Variants in LRP1B observed in about 807,000 individuals in gnomAD.
LRP1B encodes LDL receptor related protein 1B.
A neutral mutation model predicts 556.6 loss-of-function variants in LRP1B; 217 were observed. The observed-to-expected ratio is 0.39, with a 90% CI of 0.35 to 0.44. The LOEUF (loss-of-function observed/expected upper bound fraction) is 0.44, where lower values mean the gene tolerates loss of function less well. LRP1B is among the 20% of genes least tolerant of loss of function. The pLI, the probability that LRP1B is intolerant of heterozygous loss-of-function variation, is 1.00. For missense variants in LRP1B, 5,053 were observed against 5,620.8 expected (o/e 0.90, Z 3.23); for synonymous variants, 2,047 against 1,865.8 (o/e 1.10, Z -2.50).
At chr2:141,287,746 T>C (rs2105401953) in intron 3 of LRP1B, among the ~76,000 whole-genome samples, 1 of 152,280 alleles carries the variant, frequency 6.6e-6, no homozygotes, top group East Asian at 1.9e-4. Context: ...GTTTTAAATA[T>C]ATGAAGACAT....
chr2:140,575,359 C>T (rs1046306507), intron 43 of LRP1B, among the ~76,000 whole-genome samples: 1 of 152,060 alleles, frequency 6.6e-6, no homozygotes, highest in African/African-American at 2.4e-5. Context: ...TAATGTCCTC[C>T]TAATTTTGCA....
chr2:141,036,364 C>A (rs928257950), intron 11 of LRP1B, among the ~76,000 whole-genome samples: 12 of 151,944 alleles, frequency 7.9e-5, no homozygotes, highest in Admixed American at 5.3e-4. Context: ...AGATGGAAGG[C>A]AAAACTGGAA....
chr2:140,826,434 C>G (rs1380995580), intron 31 of LRP1B, among the ~76,000 whole-genome samples: 1 of 152,104 alleles, frequency 6.6e-6, no homozygotes, highest in Non-Finnish European at 1.5e-5. Context: ...ATCAAAATTG[C>G]AGAAGAGAAG....
At chr2:140,556,745 A>C (rs1438689312) in intron 43 of LRP1B, among the ~76,000 whole-genome samples, 2 of 151,448 alleles carry the variant, frequency 1.3e-5, no homozygotes, top group Non-Finnish European at 2.9e-5. Flanking sequence ...TAAAAAAAAA[A>C]CAATTTTTTT....
intron 6 of LRP1B, among the ~76,000 whole-genome samples, chr2:141,189,979 T>C (rs1037130385): frequency 1.5e-4 from 6 of 40,898 alleles, no homozygotes; most frequent in African/African-American, 4.1e-4. Context: ...AGAAAGCATC[T>C]GTAATAAACC....
At chr2:142,019,309 G>T (rs931418680) in intron 1 of LRP1B, among the ~76,000 whole-genome samples, 1 of 152,124 alleles carries the variant, frequency 6.6e-6, no homozygotes, top group Non-Finnish European at 1.5e-5. Context: ...GTAGTTTAGT[G>T]TTGGAAGGGA....
intron 63 of LRP1B, among the ~76,000 whole-genome samples, chr2:140,448,060 A>C (rs1368918620): frequency 1.4e-5 from 2 of 140,066 alleles, no homozygotes; most frequent in Admixed American, 6.9e-5. Context: ...AAACAAATAT[A>C]ATAATAGTAA....
intron 35 of LRP1B, among the ~76,000 whole-genome samples, chr2:140,748,255 G>A (rs1322230474): frequency 1.7e-5 from 2 of 114,422 alleles, no homozygotes; most frequent in South Asian, 2.7e-4. Flanking sequence ...ATTCATATAT[G>A]TATATATTTT....
chr2:142,015,078 G>A (rs892937958), intron 1 of LRP1B, among the ~76,000 whole-genome samples: 1 of 151,960 alleles, frequency 6.6e-6, no homozygotes, highest in Non-Finnish European at 1.5e-5. Flanking sequence ...TTTCCTTATG[G>A]TAAAATGAAA....
chr2:140,761,169 A>T (rs145933909), intron 35 of LRP1B, among the ~76,000 whole-genome samples: 1 of 152,212 alleles, frequency 6.6e-6, no homozygotes, highest in Non-Finnish European at 1.5e-5. Context: ...AGGCAAAATG[A>T]GGATCAAGAC....
At chr2:141,243,504 T>C (rs910903778) in intron 5 of LRP1B, among the ~76,000 whole-genome samples, 6 of 152,114 alleles carry the variant, frequency 3.9e-5, no homozygotes, top group African/African-American at 1.2e-4. Context: ...AATAAATAAA[T>C]AAACATTAAT....
chr2:141,692,338 A>G (rs1036035297), intron 2 of LRP1B, among the ~76,000 whole-genome samples: 13 of 151,994 alleles, frequency 8.6e-5, no homozygotes, highest in Non-Finnish European at 1.6e-4. Context: ...TTACTCTAAA[A>G]TTCAAGTACG....
chr2:141,732,359 AT>A (rs5834862), intron 2 of LRP1B, among the ~76,000 whole-genome samples: 104,726 of 151,638 alleles, frequency 0.69, 37,795 homozygotes, highest in East Asian at 0.89. Flanking sequence ...GTTTTTTTCC[AT>A]TTTTTTTTAA....
rs563231831 is a variant in LRP1B at position 141,139,337 on chromosome 2, A to C, written c.1013+49084T>G. Among the ~76,000 whole-genome samples the C allele has an allele frequency of 2.9e-3, 434 of 152,054 alleles. 4 individuals are homozygous for C. Among genetic ancestry groups the C allele is most frequent in the Non-Finnish European group, 5.1e-3 (345 of 67,870 alleles). On this transcript the variant is annotated intron_variant, in intron 7 of 90. Coordinates refer to ENST00000389484, the MANE Select transcript of LRP1B (RefSeq NM_018557.3). ...AAATTTAACACCAACATCACAGTCT[A>C]TAAAAAAAATGATAAACTTCATCAA...
At chr2:140,297,761 A>G (rs1250465537) in intron 84 of LRP1B, 47 bp downstream of exon 84, 2 of 1,539,028 alleles carry the variant, frequency 1.3e-6, no homozygotes, top group South Asian at 1.2e-5. Flanking sequence ...AAATCAGAAG[A>G]TTAACATAAA....
intron 9 of LRP1B, among the ~76,000 whole-genome samples, chr2:141,056,468 C>T (rs1047802812): frequency 2.6e-5 from 4 of 151,858 alleles, no homozygotes; most frequent in Non-Finnish European, 4.4e-5. Flanking sequence ...TACCAATGAT[C>T]ATTTTCTACA....
chr2:140,919,340 T>C (rs943025552), intron 21 of LRP1B, among the ~76,000 whole-genome samples: 1 of 151,780 alleles, frequency 6.6e-6, no homozygotes, highest in African/African-American at 2.4e-5. Flanking sequence ...TAAAACAATA[T>C]TGGATTTTAT....
intron 2 of LRP1B, among the ~76,000 whole-genome samples, chr2:141,738,595 T>C (rs1312010056): frequency 6.6e-6 from 1 of 152,182 alleles, no homozygotes; most frequent in African/African-American, 2.4e-5. Context: ...TGACACAAAT[T>C]CATGATACAC....
chr2:140,260,009 T>C (rs1177931446), intron 86 of LRP1B, among the ~76,000 whole-genome samples: 4 of 151,940 alleles, frequency 2.6e-5, no homozygotes, highest in African/African-American at 9.7e-5. Context: ...CAGATGCCCA[T>C]ATAAATCTAA....
Sources: gnomAD v4.1 joint callset for allele counts (sites outside exome capture counted in the v4.1 genomes callset) on GRCh38, gnomAD v4.1.1 for gene constraint, MANE v1.5 for transcripts, NCBI Gene and HGNC (gene_info 2026-07-23, HGNC 2026-07-21) for gene names.